Variants in CRISPLD2 observed in about 807,000 individuals in gnomAD.
CRISPLD2 encodes the protein cysteine-rich secretory protein LCCL domain-containing 2.
CRISPLD2 carries 47 observed loss-of-function variants against 71.1 expected under a neutral mutation model. The ratio of observed to expected loss-of-function variants is 0.66; its 90% CI spans 0.52 to 0.84. The LOEUF (loss-of-function observed/expected upper bound fraction) is 0.84, where lower values mean the gene tolerates loss of function less well. Ranked by LOEUF, CRISPLD2 falls within the 40% of genes least tolerant of loss-of-function variation. CRISPLD2 has a pLI of 0.00. For synonymous variants in CRISPLD2, 317 were observed against 250.1 expected (o/e 1.27, Z -2.52); for missense variants, 830 against 651.1 (o/e 1.27, Z -2.99).
At chr16:84,871,870 G>GAAAAA (rs56328159) in intron 8 of CRISPLD2, among the ~76,000 whole-genome samples, 1 of 100,046 alleles carries the variant, frequency 1.0e-5, no homozygotes, top group Non-Finnish European at 2.1e-5. Context: ...TTTCAAATGA[G>GAAAAA]AAAAAAAAAA....
At chr16:84,823,544 G>C (rs1490583693) in intron 1 of CRISPLD2, among the ~76,000 whole-genome samples, 1 of 152,160 alleles carries the variant, frequency 6.6e-6, no homozygotes, top group African/African-American at 2.4e-5. Context: ...GGCATTTGTG[G>C]GCAGTGTTGG....
intron 14 of CRISPLD2, among the ~76,000 whole-genome samples, chr16:84,893,074 C>T (rs141738749): frequency 4.9e-4 from 75 of 151,668 alleles, no homozygotes; most frequent in African/African-American, 1.5e-3. Flanking sequence ...CTAGAACTCA[C>T]AGCTCAGAAG....
At chr16:84,830,278 C>T (rs902552475) in intron 1 of CRISPLD2, among the ~76,000 whole-genome samples, 1 of 152,172 alleles carries the variant, frequency 6.6e-6, no homozygotes, top group African/African-American at 2.4e-5. Flanking sequence ...GACATGATTG[C>T]ACCACTGCAC....
chr16:84,901,394 A>C (rs1321323304), intron 14 of CRISPLD2, among the ~76,000 whole-genome samples: 1 of 152,082 alleles, frequency 6.6e-6, no homozygotes, highest in Non-Finnish European at 1.5e-5. Context: ...TTGTGTGTTC[A>C]ACAACTAAAA....
At chr16:84,861,062 C>T (rs551938488) in intron 6 of CRISPLD2, among the ~76,000 whole-genome samples, 1 of 152,320 alleles carries the variant, frequency 6.6e-6, no homozygotes, top group South Asian at 2.1e-4. Flanking sequence ...GAACTCCCCT[C>T]TCAGGAGCGC....
In CRISPLD2 at chr16:84,866,940, G is replaced by T. The variant is rs1341823284; in HGVS notation, c.753G>T (p.Glu251Asp). The T allele has an allele frequency of 6.2e-7, 1 of 1,613,926 alleles. No individual in the cohort carries two copies. The highest frequency in any genetic ancestry group is 8.5e-7 in the Non-Finnish European group (1 of 1,179,992). ...AACCTGAAACGGACGAGATGAATGA[G>T]GTGGAAACGGCTCCCATTCCTGAAG... ...TPKPETDEMN[E>D]VETAPIPEEN... Residue 251 changes from glutamate (E) to aspartate (D), a missense_variant, in exon 7 of 15, where the codon GAG becomes GAT. Transcript: ENST00000262424.
chr16:84,886,692 G>A (rs573443591), intron 13 of CRISPLD2, among the ~76,000 whole-genome samples: 2 of 152,238 alleles, frequency 1.3e-5, no homozygotes, highest in Non-Finnish European at 2.9e-5. Flanking sequence ...GCGTGGTGGC[G>A]CATGCCTGCG....
In CRISPLD2 at chr16:84,883,191, G is replaced by A. The variant is rs887241264; in HGVS notation, c.1305+2607G>A. On this transcript the variant is annotated intron_variant, in intron 13 of 14. Transcript: ENST00000262424. ...GAAGAAAGCCACCTCCGTGTGAGAG[G>A]TTCTTTTCTGGCCTCAGTTTCTAGG... 5.9e-5 allele frequency among the ~76,000 whole-genome samples: 9 copies of A among 152,358 alleles called. No homozygotes were observed. The South Asian group carries it at 6.2e-4, about 11-fold the overall frequency.
intron 14 of CRISPLD2, among the ~76,000 whole-genome samples, chr16:84,905,558 C>T (rs1037945651): frequency 2.6e-5 from 4 of 151,972 alleles, no homozygotes; most frequent in Non-Finnish European, 5.9e-5. Context: ...ACCATCATGC[C>T]TGGCTAATTG....
Position 84,838,453 on chromosome 16 carries a change from C to T in CRISPLD2, c.-43C>T. 6.3e-7 allele frequency: 1 copy of T among 1,593,082 alleles called. No individual in the cohort carries two copies. Among genetic ancestry groups the T allele is most frequent in the Non-Finnish European group, 8.6e-7 (1 of 1,167,700 alleles). ...AGCGCCCAGCTCTGCCCGAGGAGCC[C>T]AGGCTGCCCCGTGAGTCCCATAGTT... is the stretch of plus-strand genomic sequence containing the variant. On this transcript the variant is annotated 5_prime_UTR_variant, in exon 2 of 15. Coordinates refer to ENST00000262424, the MANE Select transcript of CRISPLD2 (RefSeq NM_031476.4).
intron 11 of CRISPLD2, among the ~76,000 whole-genome samples, chr16:84,876,023 A>G (rs1198341472): frequency 6.6e-6 from 1 of 152,180 alleles, no homozygotes; most frequent in Non-Finnish European, 1.5e-5. Flanking sequence ...GGTTCAGCAA[A>G]CGATGACTCA....
intron 7 of CRISPLD2, 46 bp from the exon 8 acceptor site, chr16:84,868,805 C>A (rs376411279): frequency 6.6e-7 from 1 of 1,510,850 alleles, no homozygotes; most frequent in Admixed American, 1.7e-5. Flanking sequence ...TCTTCTCACC[C>A]TCCTGGTTTC....
At chr16:84,882,367 A>G (rs4782679) in intron 13 of CRISPLD2, among the ~76,000 whole-genome samples, 44,216 of 100,956 alleles carry the variant, frequency 0.44, 7,335 homozygotes, top group East Asian at 0.64. Flanking sequence ...AAAAAAAAAA[A>G]AAAAGCAAGA....
At chr16:84,855,636 A>G (rs1391841603) in intron 6 of CRISPLD2, among the ~76,000 whole-genome samples, 2 of 152,236 alleles carry the variant, frequency 1.3e-5, no homozygotes, top group African/African-American at 2.4e-5. Flanking sequence ...AGACACACCC[A>G]GGATCAGTGC....
chr16:84,866,484 C>A (rs1374651265), intron 6 of CRISPLD2, among the ~76,000 whole-genome samples: 1 of 152,206 alleles, frequency 6.6e-6, no homozygotes, highest in Non-Finnish European at 1.5e-5. Context: ...GATCCGCCCA[C>A]CTCAGCCTCC....
At chr16:84,853,577 G>A (rs1191532296) in intron 5 of CRISPLD2, among the ~76,000 whole-genome samples, 1 of 152,200 alleles carries the variant, frequency 6.6e-6, no homozygotes, top group African/African-American at 2.4e-5. Flanking sequence ...TGGGGCCGCG[G>A]GAAGTTCTAG....
At chr16:84,827,713 T>C (rs1006786181) in intron 1 of CRISPLD2, among the ~76,000 whole-genome samples, 2 of 152,014 alleles carry the variant, frequency 1.3e-5, no homozygotes, top group African/African-American at 2.4e-5. Context: ...ACTACAGGCA[T>C]GTGCCACCAC....
At chr16:84,886,259 T>C (rs537829218) in intron 13 of CRISPLD2, among the ~76,000 whole-genome samples, 1 of 152,304 alleles carries the variant, frequency 6.6e-6, no homozygotes, top group Admixed American at 6.5e-5. Context: ...TTGTATTGCT[T>C]GTCCCATTTA....
chr16:84,852,401 G>C (rs1455857303), intron 5 of CRISPLD2, among the ~76,000 whole-genome samples: 1 of 152,212 alleles, frequency 6.6e-6, no homozygotes, highest in Non-Finnish European at 1.5e-5. Flanking sequence ...CCATCGGTCT[G>C]TGGTGTCTGG....
Sources: allele counts gnomAD v4.1 joint callset (sites outside exome capture counted in the v4.1 genomes callset), GRCh38; gene constraint gnomAD v4.1.1; transcripts MANE v1.5; gene names NCBI Gene and HGNC (gene_info 2026-07-23, HGNC 2026-07-21).